Variants in THSD4 observed in about 807,000 individuals in gnomAD.
The protein encoded by THSD4 is thrombospondin type-1 domain-containing protein 4.
Under a neutral mutation model 119.0 loss-of-function variants are expected in THSD4, and 69 were observed. The observed-to-expected ratio is 0.58, with a 90% CI of 0.48 to 0.71. THSD4 has a LOEUF of 0.71. Among genes scored for constraint, THSD4 ranks in the 30% least tolerant of loss-of-function variants. The probability of loss-of-function intolerance (pLI) is 0.00; values close to 1 mark genes in which losing one functional copy is unlikely to be tolerated. For synonymous variants in THSD4, 524 were observed against 540.4 expected (o/e 0.97, Z 0.42); for missense variants, 1,393 against 1,391.1 (o/e 1.00, Z -0.02).
intron 7 of THSD4, among the ~76,000 whole-genome samples, chr15:71,542,540 A>G (rs2048773045): frequency 6.6e-6 from 1 of 152,160 alleles, no homozygotes; most frequent in Non-Finnish European, 1.5e-5. Context: ...TATTCTTCGT[A>G]AAAACTCATT....
intron 7 of THSD4, among the ~76,000 whole-genome samples, chr15:71,537,802 C>A (rs1300132411): frequency 1.3e-5 from 2 of 151,888 alleles, no homozygotes; most frequent in African/African-American, 4.8e-5. Context: ...CACTCTGGCC[C>A]AGGCTGGAGT....
chr15:71,275,838 C>T (rs576836750), intron 6 of THSD4, among the ~76,000 whole-genome samples: 100 of 152,268 alleles, frequency 6.6e-4, no homozygotes, highest in African/African-American at 2.3e-3. Context: ...TTACTGCCAC[C>T]GTGTGAGGAG....
At chr15:71,760,988 G>T (rs1298829551) in intron 15 of THSD4, among the ~76,000 whole-genome samples, 1 of 151,948 alleles carries the variant, frequency 6.6e-6, no homozygotes, top group East Asian at 1.9e-4. Flanking sequence ...TGTCTTTCAG[G>T]ACTATTTTTG....
At chr15:71,555,469 T>G (rs1422609834) in intron 7 of THSD4, among the ~76,000 whole-genome samples, 1 of 152,252 alleles carries the variant, frequency 6.6e-6, no homozygotes, top group East Asian at 1.9e-4. Context: ...AATGCCTGTT[T>G]GTATTTATTT....
At chr15:71,708,883 C>T (rs1158559227) in intron 8 of THSD4, among the ~76,000 whole-genome samples, 1 of 152,202 alleles carries the variant, frequency 6.6e-6, no homozygotes, top group Non-Finnish European at 1.5e-5. Context: ...GACCCCTGTC[C>T]TGCTGTTATG....
chr15:71,339,275 G>A (rs1405988080), intron 6 of THSD4, among the ~76,000 whole-genome samples: 1 of 151,824 alleles, frequency 6.6e-6, no homozygotes, highest in Non-Finnish European at 1.5e-5. Context: ...TGTTACTTCT[G>A]CCTGAGCCTC....
At chr15:71,752,979 A>C (rs2053475967) in intron 14 of THSD4, among the ~76,000 whole-genome samples, 1 of 152,252 alleles carries the variant, frequency 6.6e-6, no homozygotes. Flanking sequence ...AGCACCTGTT[A>C]CATGCCAGTC....
At chr15:71,484,599 C>G (rs940232642) in intron 7 of THSD4, among the ~76,000 whole-genome samples, 5 of 152,166 alleles carry the variant, frequency 3.3e-5, no homozygotes, top group Admixed American at 3.3e-4. Context: ...ATACAGCCCT[C>G]TTTAAAAGGA....
chr15:71,341,635 A>G (rs375644347), intron 6 of THSD4: 114 of 1,567,382 alleles, frequency 7.3e-5, no homozygotes, highest in South Asian at 2.6e-4. Context: ...GAGTGTTCTT[A>G]AAGTGAACAC....
intron 7 of THSD4, among the ~76,000 whole-genome samples, chr15:71,615,826 A>T (rs12439548): frequency 0.17 from 25,536 of 152,102 alleles, 2,775 homozygotes; most frequent in East Asian, 0.52. Context: ...TCCCACCAAC[A>T]CTCATTGTGT....
At chr15:71,442,609 TGTG>T in intron 7 of THSD4, among the ~76,000 whole-genome samples, 1 of 61,102 alleles carries the variant, frequency 1.6e-5, no homozygotes. Context: ...TATGTGTGTG[TGTG>T]TGTGTGTATA....
chr15:71,711,248 G>T (rs2052509785), intron 8 of THSD4, among the ~76,000 whole-genome samples: 1 of 151,774 alleles, frequency 6.6e-6, no homozygotes, highest in Non-Finnish European at 1.5e-5. Flanking sequence ...TTTTACATCA[G>T]TTTTAGGTTC....
chr15:71,284,778 A>G (rs1465704110), intron 6 of THSD4, among the ~76,000 whole-genome samples: 1 of 152,132 alleles, frequency 6.6e-6, no homozygotes, highest in Non-Finnish European at 1.5e-5. Flanking sequence ...AAAATAATTC[A>G]TTGTATCCAG....
intron 6 of THSD4, among the ~76,000 whole-genome samples, chr15:71,305,848 A>G (rs957244674): frequency 6.6e-6 from 1 of 152,086 alleles, no homozygotes; most frequent in Non-Finnish European, 1.5e-5. Flanking sequence ...CTCCAAATCT[A>G]TCCTTCTCGA....
intron 6 of THSD4, among the ~76,000 whole-genome samples, chr15:71,401,476 C>T (rs2046531956): frequency 1.3e-5 from 2 of 152,268 alleles, no homozygotes; most frequent in East Asian, 1.9e-4. Flanking sequence ...CTAATCTTTC[C>T]TATTCCTCAA....
rs188112133 is a variant in THSD4, at chr15:71,687,374, T to C, written c.1357+26640T>C. Among the ~76,000 whole-genome samples, 1,140 of 152,298 alleles carry C rather than the reference T, an allele frequency of 7.5e-3. 14 individuals carry two copies. Among genetic ancestry groups the C allele is most frequent in the African/African-American group, 0.026 (1,088 of 41,560 alleles). On this transcript the variant is annotated intron_variant, in intron 8 of 17. Coordinates refer to ENST00000261862, the MANE Select transcript of THSD4 (RefSeq NM_024817.3). ...CTATAACCAGAGCATTATTGCTTCC[T>C]CCTGACAGCACTTTCTGTTTTTAGA... is the stretch of plus-strand genomic sequence containing the variant.
intron 7 of THSD4, among the ~76,000 whole-genome samples, chr15:71,612,282 G>A (rs11857769): frequency 0.03 from 4,602 of 152,348 alleles, 110 homozygotes; most frequent in Non-Finnish European, 0.045. Flanking sequence ...GCTCTCTGAG[G>A]TCAGTCGGAT....
In THSD4 at chr15:71,209,917, T is replaced by TTCTCTTGTTCTTC. The variant is rs1263207248; in HGVS notation, c.100-5110_100-5098dup. On this transcript the variant is annotated intron_variant, in intron 3 of 17. Transcript: ENST00000261862. ...TACAATTTTCTTCTCTTGTCTTCTC[T>TTCTCTTGTTCTTC]TCTCTTGTTCTTCTCTCTTGAGATG... Among the ~76,000 whole-genome samples the TTCTCTTGTTCTTC allele has an allele frequency of 6.6e-4, 100 of 152,332 alleles. 1 individual carries two copies. In the Middle Eastern group the frequency reaches 0.017, roughly 26 times the overall value.
intron 7 of THSD4, among the ~76,000 whole-genome samples, chr15:71,626,422 C>T (rs1357007006): frequency 6.6e-6 from 1 of 152,132 alleles, no homozygotes; most frequent in Non-Finnish European, 1.5e-5. Flanking sequence ...TAAATTTTCT[C>T]TTTTGAGAGT....
Sources: allele counts gnomAD v4.1 joint callset (sites outside exome capture counted in the v4.1 genomes callset), GRCh38; gene constraint gnomAD v4.1.1; transcripts MANE v1.5; gene names NCBI Gene and HGNC (gene_info 2026-07-23, HGNC 2026-07-21).